Variants in PPEF2 observed in about 807,000 individuals in gnomAD.
PPEF2 encodes the protein protein phosphatase with EF-hand domain 2, also known as serine/threonine-protein phosphatase with EF-hands 2.
A neutral mutation model predicts 84.7 loss-of-function variants in PPEF2; 84 were observed. The ratio of observed to expected loss-of-function variants is 0.99; its 90% confidence interval spans 0.83 to 1.19. PPEF2 has a LOEUF of 1.19. Ranked by LOEUF, PPEF2 falls within the 50% of genes most tolerant of loss-of-function variation. The pLI, the probability that PPEF2 is intolerant of heterozygous loss-of-function variation, is 0.00. For missense variants in PPEF2, 924 were observed against 937.5 expected, an observed-to-expected ratio of 0.99 and a Z score of 0.19; for synonymous variants, 346 against 345.2, an observed-to-expected ratio of 1.00 and a Z score of -0.03.
intron 10 of PPEF2, among the ~76,000 whole-genome samples, chr4:75,882,348 A>G (rs543005182): frequency 3.3e-5 from 5 of 152,130 alleles, no homozygotes; most frequent in Non-Finnish European, 5.9e-5. Context: ...ACTTTAATTG[A>G]AGGTAATATG....
chr4:75,889,821 G>A, intron 5 of PPEF2, 136 bp downstream of exon 5: 1 of 959,258 alleles, frequency 1.0e-6, no homozygotes, highest in South Asian at 1.6e-5. Flanking sequence ...GCTAAGCACA[G>A]CAGGGGTAGA....
rs960776044 is a variant in PPEF2, at chr4:75,859,957, A to G, written c.*710T>C. On this transcript the variant is annotated 3_prime_UTR_variant, in exon 17 of 17. Transcript: ENST00000286719. ...CAGTAACAAGTAAGAAAAAGTAAATAATGAAGAAAATCCATATGCTTGGGT... is the reference window on the plus strand; with the variant it reads ...CAGTAACAAGTAAGAAAAAGTAAATGATGAAGAAAATCCATATGCTTGGGT... 2.0e-5 allele frequency: 3 copies of G among 152,252 alleles called. No individual in the cohort carries two copies. The highest frequency in any genetic ancestry group is 7.2e-5 in the African/African-American group (3 of 41,458). The allele number at this position is 152,252 out of a possible 1,614,324, so 9.4% of individuals were successfully genotyped here.
chr4:75,884,298 C>T (rs988210116), intron 8 of PPEF2, among the ~76,000 whole-genome samples: 7 of 150,918 alleles, frequency 4.6e-5, no homozygotes, highest in South Asian at 4.2e-4. Context: ...CATGGTGGTG[C>T]GTGCCTGTAA....
At chr4:75,882,693 TTTGCTATG>T (rs1303254727) in intron 10 of PPEF2, 2 of 416,218 alleles carry the variant, frequency 4.8e-6, no homozygotes, top group Non-Finnish European at 8.4e-6. Flanking sequence ...GAGACAAAGT[TTTGCTATG>T]TTGCCCAGAC....
chr4:75,888,366 C>T, intron 5 of PPEF2, 38 bp from the exon 6 acceptor site: 1 of 1,472,122 alleles, frequency 6.8e-7, no homozygotes. Context: ...GAAAACAACA[C>T]TGATATTCGT....
At chr4:75,873,407 G>T in intron 11 of PPEF2, 95 bp from the exon 12 acceptor site, 1 of 1,167,298 alleles carries the variant, frequency 8.6e-7, no homozygotes, top group Non-Finnish European at 1.2e-6. Context: ...GAAAATATTT[G>T]AATAAAAATA....
At chr4:75,885,395 A>T (rs931473998) in intron 7 of PPEF2, among the ~76,000 whole-genome samples, 3 of 151,932 alleles carry the variant, frequency 2.0e-5, no homozygotes, top group Non-Finnish European at 4.4e-5. Flanking sequence ...CGATCCTCCC[A>T]CTTTAGCCTC....
intron 2 of PPEF2, among the ~76,000 whole-genome samples, chr4:75,893,005 T>A (rs1724925828): frequency 6.6e-6 from 1 of 152,220 alleles, no homozygotes; most frequent in Admixed American, 6.5e-5. Flanking sequence ...ATTAGACAGA[T>A]AATAGAATTC....
intron 5 of PPEF2, 151 bp from the exon 6 acceptor site, chr4:75,888,479 C>T (rs1724791499): frequency 1.7e-6 from 1 of 580,274 alleles, no homozygotes; most frequent in African/African-American, 1.9e-5. Flanking sequence ...CGGATTCTTT[C>T]TTTATCACTC....
At chr4:75,893,465 T>A (rs186381423) in intron 2 of PPEF2, among the ~76,000 whole-genome samples, 4 of 149,332 alleles carry the variant, frequency 2.7e-5, no homozygotes, top group Non-Finnish European at 5.9e-5. Flanking sequence ...ACCACTGCAC[T>A]TTAGCCTGGG....
intron 12 of PPEF2, among the ~76,000 whole-genome samples, chr4:75,872,572 G>T (rs1724307521): frequency 6.6e-6 from 1 of 152,142 alleles, no homozygotes; most frequent in African/African-American, 2.4e-5. Flanking sequence ...GAATGTTGTG[G>T]CTCCTCAGAT....
intron 7 of PPEF2, among the ~76,000 whole-genome samples, chr4:75,885,602 C>T (rs769134044): frequency 3.3e-4 from 51 of 152,284 alleles, no homozygotes; most frequent in Non-Finnish European, 5.4e-4. Context: ...CAGTGGCTCA[C>T]GCCTGTAATA....
chr4:75,896,896 T>G (rs1183012940), intron 1 of PPEF2, among the ~76,000 whole-genome samples: 1 of 152,016 alleles, frequency 6.6e-6, no homozygotes, highest in East Asian at 1.9e-4. Context: ...TTTCTTTCTT[T>G]TTTGAGACAG....
chr4:75,876,539 A>C lies in PPEF2; in HGVS notation c.1068T>G (p.Ser356=). ...TGTAGGAGCCAAGCCGAAGGGGCGA[A>C]GAGGGAAGAGAGCGGCTTTCGGGGA... is the stretch of plus-strand genomic sequence containing the variant. ...WFLPESRSLP[S]SPLRLGSYKA... is the part of the protein sequence containing the mutation. The change falls in exon 11 of 17, where the codon TCT becomes TCG. Residue 356 remains serine, a synonymous_variant. Transcript: ENST00000286719. 1 of 1,614,112 alleles carries C rather than the reference A, an allele frequency of 6.2e-7. No homozygotes were observed. Among genetic ancestry groups the C allele is most frequent in the South Asian group, 1.1e-5 (1 of 91,062 alleles).
At chr4:75,876,779 G>T in intron 10 of PPEF2, 106 bp from the exon 11 acceptor site, 1 of 1,258,910 alleles carries the variant, frequency 7.9e-7, no homozygotes, top group Non-Finnish European at 1.1e-6. Flanking sequence ...ACTGAGCCCA[G>T]CAGAACACTC....
Position 75,873,133 on chromosome 4 carries a change from G to T in PPEF2, c.1500C>A (p.Asn500Lys). The part of the protein sequence containing the change: ...CKPEGYEFCH[N>K]RKVLTIFSAS... ...CTGCAGAGGGAGCACCCACCTTGCG[G>T]TTGTGACAGAATTCATAGCCTTCAG... The change falls in exon 12 of 17, where the codon AAC becomes AAA. Residue 500 changes from asparagine to lysine, a missense_variant. Asn to Lys is a moderately conservative substitution (Grantham distance 94). Coordinates refer to ENST00000286719, the MANE Select transcript of PPEF2 (RefSeq NM_006239.3). 2 of 1,613,400 alleles carry T rather than the reference G, an allele frequency of 1.2e-6. No homozygotes were observed. Among genetic ancestry groups the T allele is most frequent in the Non-Finnish European group, 1.7e-6 (2 of 1,179,524 alleles).
At chr4:75,887,513 C>T (rs546537685) in intron 6 of PPEF2, among the ~76,000 whole-genome samples, 36 of 150,482 alleles carry the variant, frequency 2.4e-4, no homozygotes, top group African/African-American at 8.6e-4. Flanking sequence ...CCCAGCTACT[C>T]GGGAGGCTGA....
rs376092928 is a variant in PPEF2, at chr4:75,866,361, G to A, written c.1757-9C>T. 11 of 1,611,918 alleles carry A rather than the reference G, an allele frequency of 6.8e-6. No homozygotes were observed. In the African/African-American group the frequency reaches 1.3e-4, roughly 20 times the overall value. On this transcript the variant is annotated splice_polypyrimidine_tract_variant and intron_variant, in intron 14 of 16. Coordinates refer to ENST00000286719, the MANE Select transcript of PPEF2 (RefSeq NM_006239.3). ...ACTCAAGGTGATTAAACCTACAGGT[G>A]AGAGCTAACCTGTTGCCTTGTCACC...
chr4:75,901,697 A>C (rs1476536314), intron 1 of PPEF2, among the ~76,000 whole-genome samples: 1 of 152,210 alleles, frequency 6.6e-6, no homozygotes, highest in African/African-American at 2.4e-5. Context: ...TGATTTCCCA[A>C]GCTGAGCCAT....
Sources: gnomAD v4.1 joint callset for allele counts (sites outside exome capture counted in the v4.1 genomes callset) on GRCh38, gnomAD v4.1.1 for gene constraint, MANE v1.5 for transcripts, NCBI Gene and HGNC (gene_info 2026-07-23, HGNC 2026-07-21) for gene names.